The following EFCAB11 variants were observed in gnomAD, a reference collection of about 807,000 sequenced individuals.
EFCAB11 encodes EF-hand calcium binding domain 11.
EFCAB11 carries 14 observed loss-of-function variants against 23.0 expected under a neutral mutation model. The observed-to-expected ratio is 0.61, with a 90% CI of 0.40 to 0.95. EFCAB11 has a LOEUF of 0.95. Among genes scored for constraint, EFCAB11 ranks in the 40% least tolerant of loss-of-function variants. The probability of loss-of-function intolerance (pLI) is 0.00; values close to 1 mark genes in which losing one functional copy is unlikely to be tolerated. For missense variants in EFCAB11, 198 were observed against 195.8 expected (o/e 1.01, Z -0.07); for synonymous variants, 65 against 66.6 (o/e 0.98, Z 0.11).
chr14:89,836,195 G>C (rs1373564678), intron 5 of EFCAB11, among the ~76,000 whole-genome samples: 1 of 151,486 alleles, frequency 6.6e-6, no homozygotes, highest in Admixed American at 6.6e-5. Context: ...AAGTGTAATG[G>C]GGCCCAGCAT....
chr14:89,833,573 G>A (rs2140117202), intron 5 of EFCAB11, among the ~76,000 whole-genome samples: 1 of 152,272 alleles, frequency 6.6e-6, no homozygotes, highest in Middle Eastern at 3.4e-3. Context: ...TCAGTGTCAA[G>A]ATCTAATATG....
chr14:89,834,256 A>G (rs1037504946), intron 5 of EFCAB11, among the ~76,000 whole-genome samples: 2 of 151,574 alleles, frequency 1.3e-5, no homozygotes, highest in Non-Finnish European at 2.9e-5. Context: ...CGTGCCTGTA[A>G]TCCCAGCTAC....
Position 89,795,864 on chromosome 14 carries a change from T to C in EFCAB11, c.*1379A>G, listed in dbSNP as rs560628286. ...TCCGTACACTTATAAATAAGAGTAC[T>C]GATACCAGTATTTTGGAATTACCTT... On this transcript the variant is annotated 3_prime_UTR_variant, in exon 6 of 6. Coordinates refer to ENST00000316738, the MANE Select transcript of EFCAB11 (RefSeq NM_145231.4). 1.3e-5 allele frequency: 2 copies of C among 152,350 alleles called. No homozygotes were observed. The highest frequency in any genetic ancestry group is 6.5e-5 in the Admixed American group (1 of 15,308). The allele number at this position is 152,350 out of a possible 1,614,324, so 9.4% of individuals were successfully genotyped here.
intron 5 of EFCAB11, among the ~76,000 whole-genome samples, chr14:89,839,274 T>C (rs1276773061): frequency 1.3e-5 from 2 of 152,088 alleles, no homozygotes; most frequent in African/African-American, 2.4e-5. Context: ...ACTATAAAAA[T>C]AGGATTCCAG....
intron 5 of EFCAB11, among the ~76,000 whole-genome samples, chr14:89,800,695 T>A (rs1885747369): frequency 1.3e-5 from 2 of 152,208 alleles, no homozygotes; most frequent in Admixed American, 1.3e-4. Context: ...GGTGTGTTTG[T>A]TTTTGAGATG....
chr14:89,809,209 T>G (rs529909574), intron 5 of EFCAB11, among the ~76,000 whole-genome samples: 10 of 152,126 alleles, frequency 6.6e-5, no homozygotes, highest in Non-Finnish European at 1.5e-5. Flanking sequence ...CCTTAGTGAG[T>G]TGGGGAGGCA....
intron 3 of EFCAB11, among the ~76,000 whole-genome samples, chr14:89,949,893 C>G (rs765867150): frequency 4.6e-5 from 7 of 152,036 alleles, no homozygotes; most frequent in Non-Finnish European, 8.8e-5. Context: ...GGAAGCCCCC[C>G]CTTATAAAGC....
At chr14:89,954,548 G>A (rs368534356) in intron 1 of EFCAB11, 38 bp downstream of exon 1, 4 of 1,609,410 alleles carry the variant, frequency 2.5e-6, no homozygotes, top group Non-Finnish European at 3.4e-6. Context: ...CCCAGGCCAA[G>A]CTGAAGTCCG....
intron 5 of EFCAB11, among the ~76,000 whole-genome samples, chr14:89,802,181 G>T (rs556016213): frequency 1.1e-3 from 161 of 140,754 alleles, no homozygotes; most frequent in African/African-American, 4.1e-3. Flanking sequence ...CTTCAGACTA[G>T]AGTACTTGCT....
At chr14:89,925,547 T>G (rs1890163007) in intron 5 of EFCAB11, among the ~76,000 whole-genome samples, 1 of 152,066 alleles carries the variant, frequency 6.6e-6, no homozygotes, top group Non-Finnish European at 1.5e-5. Flanking sequence ...TTTTAATGGG[T>G]AGAAATTCTG....
At chr14:89,892,366 G>C in intron 5 of EFCAB11, 2 of 1,611,732 alleles carry the variant, frequency 1.2e-6, no homozygotes, top group South Asian at 1.1e-5. Flanking sequence ...AGGGCTTGGG[G>C]GGTGTCCGGC....
At chr14:89,882,746 A>C (rs570365410) in intron 5 of EFCAB11, among the ~76,000 whole-genome samples, 1 of 152,330 alleles carries the variant, frequency 6.6e-6, no homozygotes, top group South Asian at 2.1e-4. Flanking sequence ...TATACAATTT[A>C]AAGAAGGCAG....
intron 5 of EFCAB11, among the ~76,000 whole-genome samples, chr14:89,840,755 G>A (rs1295799413): frequency 6.6e-6 from 1 of 152,042 alleles, no homozygotes; most frequent in Non-Finnish European, 1.5e-5. Context: ...TGGCAGCGGC[G>A]TAACTGAAGA....
At chr14:89,838,496 C>T (rs978199743) in intron 5 of EFCAB11, among the ~76,000 whole-genome samples, 55 of 147,992 alleles carry the variant, frequency 3.7e-4, no homozygotes, top group African/African-American at 1.3e-3. Flanking sequence ...ACACAGAAGA[C>T]ACAAGGGAAA....
At chr14:89,908,632 T>TA (rs1223961318) in intron 5 of EFCAB11, among the ~76,000 whole-genome samples, 1 of 151,912 alleles carries the variant, frequency 6.6e-6, no homozygotes, top group Non-Finnish European at 1.5e-5. Flanking sequence ...TCTGAAAAAA[T>TA]AAAAAAATCT....
In EFCAB11 at chr14:89,954,296, G is replaced by C. The variant is rs903441765; in HGVS notation, c.75+290C>G. ...TACCCAAAATTCAGTCCTGGAGTTA[G>C]GAAGGTGAGGCAAAGGGGCTGGCTT... On this transcript the variant is annotated intron_variant, in intron 1 of 5. Coordinates refer to ENST00000316738, the MANE Select transcript of EFCAB11 (RefSeq NM_145231.4). The C allele has an allele frequency of 1.8e-5, 27 of 1,499,136 alleles. No homozygotes were observed. The African/African-American group carries it at 3.3e-4, about 18-fold the overall frequency. The allele number at this position is 1,499,136 out of a possible 1,614,324, so 92.9% of individuals were successfully genotyped here.
chr14:89,883,628 A>C (rs1349266378), intron 5 of EFCAB11, among the ~76,000 whole-genome samples: 1 of 152,224 alleles, frequency 6.6e-6, no homozygotes, highest in African/African-American at 2.4e-5. Context: ...TGTAACTTAA[A>C]AAAAATATTT....
intron 5 of EFCAB11, among the ~76,000 whole-genome samples, chr14:89,928,774 TATA>T (rs1890280453): frequency 1.4e-5 from 2 of 147,530 alleles, no homozygotes; most frequent in Non-Finnish European, 3.0e-5. Context: ...ATATTGCATA[TATA>T]ATTAAATAAA....
chr14:89,800,216 C>CAAACAAAT (rs1885729753), intron 5 of EFCAB11, among the ~76,000 whole-genome samples: 1 of 151,728 alleles, frequency 6.6e-6, no homozygotes, highest in African/African-American at 2.4e-5. Flanking sequence ...AACAAACAAA[C>CAAACAAAT]AAACAAACGC....
Sources: allele counts gnomAD v4.1 joint callset (sites outside exome capture counted in the v4.1 genomes callset), GRCh38; gene constraint gnomAD v4.1.1; transcripts MANE v1.5; gene names NCBI Gene and HGNC (gene_info 2026-07-23, HGNC 2026-07-21).